CHD2: variants seen among roughly 807,000 people sequenced by gnomAD.
CHD2 encodes the protein ATP-dependent chromatin remodeler CHD2.
CHD2 carries 28 observed loss-of-function variants against 243.9 expected under a neutral mutation model. The observed-to-expected ratio is 0.11, with a 90% CI of 0.09 to 0.16. The LOEUF is 0.16. Among genes scored for constraint, CHD2 ranks in the 10% least tolerant of loss-of-function variants. The pLI, the probability that CHD2 is intolerant of heterozygous loss-of-function variation, is 1.00. For missense variants in CHD2, 1,386 were observed against 2,209.8 expected, an observed-to-expected ratio of 0.63 and a Z score of 7.47; for synonymous variants, 775 against 779.0, an observed-to-expected ratio of 0.99 and a Z score of 0.09.
At chr15:92,970,591 A>T (rs1379797787) in intron 17 of CHD2, among the ~76,000 whole-genome samples, 1 of 152,178 alleles carries the variant, frequency 6.6e-6, no homozygotes, top group Non-Finnish European at 1.5e-5. Context: ...TTAACTTTGA[A>T]TATCCTCCTT....
chr15:93,009,171 A>G lies in CHD2; in HGVS notation c.4440A>G (p.Lys1480=). ...SICKERMRPV[K]KALKQLDKPD... is the part of the protein sequence containing the mutation. ...GTAAGGAGAGGATGAGGCCCGTGAAAAAGGCACTGAAACAGCTCGACAAAC... is the reference window on the plus strand; with the variant it reads ...GTAAGGAGAGGATGAGGCCCGTGAAGAAGGCACTGAAACAGCTCGACAAAC... The change falls in exon 35 of 39, where the codon AAA becomes AAG. Residue 1480 remains lysine (K), a synonymous_variant. Coordinates refer to ENST00000394196, the MANE Select transcript of CHD2 (RefSeq NM_001271.4). 1 of 1,614,166 alleles carries G rather than the reference A, an allele frequency of 6.2e-7. No individual in the cohort carries two copies. Among genetic ancestry groups the G allele is most frequent in the Admixed American group, 1.7e-5 (1 of 60,020 alleles).
chr15:92,988,957 A>G (rs952161235), intron 26 of CHD2, among the ~76,000 whole-genome samples: 1 of 150,558 alleles, frequency 6.6e-6, no homozygotes, highest in Non-Finnish European at 1.5e-5. Context: ...ATAAGCCTAC[A>G]TGCTAGACTT....
In CHD2 at chr15:92,997,271, T is replaced by C; in HGVS notation, c.3753T>C (p.Arg1251=). ...TCTTTAGATACTGCTTAACCTGTCG[T>C]GTCAAAGCTGCACATTTTGATGTAG... The part of the protein sequence containing the change: ...EEKKKYCLTC[R]VKAAHFDVEW... Residue 1251 remains arginine, a synonymous_variant, in exon 30 of 39, where the codon CGT becomes CGC. Transcript: ENST00000394196. The surrounding 1 kb of genome is among the most constrained non-coding windows in gnomAD (Gnocchi z 4.1). 1 of 1,614,152 alleles carries C rather than the reference T, an allele frequency of 6.2e-7. No individual in the cohort carries two copies. The highest frequency in any genetic ancestry group is 1.1e-5 in the South Asian group (1 of 91,064).
At chr15:92,985,764 G>A (rs1397828382) in intron 26 of CHD2, 91 bp downstream of exon 26, 7 of 1,360,974 alleles carry the variant, frequency 5.1e-6, no homozygotes, top group Non-Finnish European at 7.0e-6. Flanking sequence ...TGACAGGGTA[G>A]GCAGAGGCTA....
chr15:93,016,672 C>T (rs180741971), intron 37 of CHD2, among the ~76,000 whole-genome samples: 1 of 149,920 alleles, frequency 6.7e-6, no homozygotes. Context: ...GTCCCAGCTA[C>T]TTGGGAGGCT....
In CHD2 at chr15:93,009,295, G is replaced by A; in HGVS notation, c.4564G>A (p.Asp1522Asn). 1 of 1,614,188 alleles carries A rather than the reference G, an allele frequency of 6.2e-7. No individual in the cohort carries two copies. Among genetic ancestry groups the A allele is most frequent in the Non-Finnish European group, 8.5e-7 (1 of 1,180,016 alleles). ...RIAECLKAYS[D>N]QEHIKLWRRN... ...AGCCGAGTGCCTTAAAGCCTACTCA[G>A]ATCAGGAGCACATCAAACTCTGGAG... is the stretch of plus-strand genomic sequence containing the variant. Residue 1522 changes from aspartate (D) to asparagine (N), a missense_variant, in exon 35 of 39, where the codon GAT (aspartate) becomes AAT (asparagine). By Grantham distance (23) the Asp-to-Asn change is conservative. Around this residue, in one of 19 missense-constraint regions of CHD2, gnomAD observed 42 missense variants for 47.6 expected, o/e 0.88. Transcript: ENST00000394196.
chr15:92,933,867 A>G (rs555610040), intron 5 of CHD2, among the ~76,000 whole-genome samples: 17 of 152,284 alleles, frequency 1.1e-4, no homozygotes, highest in Non-Finnish European at 2.1e-4. Flanking sequence ...TGGCCTCCCA[A>G]AGTGTTGGGA....
Position 93,014,727 on chromosome 15 carries a change from G to T in CHD2, c.4724G>T (p.Gly1575Val), listed in dbSNP as rs746506782. 5.0e-6 allele frequency: 8 copies of T among 1,613,974 alleles called. No homozygotes were observed. The highest frequency in any genetic ancestry group is 2.7e-5 in the African/African-American group (2 of 74,876). The change falls in exon 37 of 39, where the codon GGT (glycine) becomes GTT (valine). Residue 1575 changes from glycine to valine, a missense_variant. Gly to Val is a moderately radical substitution (Grantham distance 109, BLOSUM62 -3). Around this residue, in one of 19 missense-constraint regions of CHD2, gnomAD observed 347 missense variants for 341.6 expected, o/e 1.02. Transcript: ENST00000394196. ...AAGAAGAAAGACGACGTGACTGGGG[G>T]TAAGAAACCATTTCGTCCAGAGGCC... ...EQKKKDDVTG[G>V]KKPFRPEASG...
Position 92,900,522 on chromosome 15 carries a change from T to C in CHD2, c.-374T>C, listed in dbSNP as rs1032173488. 1 of 398,776 alleles carries C rather than the reference T, an allele frequency of 2.5e-6. No individual in the cohort carries two copies. Among genetic ancestry groups the C allele is most frequent in the African/African-American group, 2.1e-5 (1 of 48,730 alleles). The allele number at this position is 398,776 out of a possible 1,614,324, so 24.7% of individuals were successfully genotyped here. ...GGAGAAAAGCAGCTTTTAGGAGCTT[T>C]CTTTTCGTGCCTTGTTGGAAAGAAG... is the stretch of plus-strand genomic sequence containing the variant. On this transcript the variant is annotated 5_prime_UTR_variant, in exon 1 of 39. Transcript: ENST00000394196.
rs1490731036 is a variant in CHD2, at chr15:92,998,656, C to A, written c.4008+35C>A. The A allele has an allele frequency of 6.2e-7, 1 of 1,605,046 alleles. No individual in the cohort carries two copies. The highest frequency in any genetic ancestry group is 8.5e-7 in the Non-Finnish European group (1 of 1,174,700). On this transcript the variant is annotated intron_variant, in intron 31 of 38. Transcript: ENST00000394196. This position sits in a 1 kb window ranked among gnomAD's most constrained non-coding sequence, Gnocchi z 5.1. ...CTGCCAGCTGGTTGTTTTTCAGGGG[C>A]CTGAGGCTCCTACCCTGCAGAATTA...
At chr15:92,961,346 C>A (rs1433585680) in intron 16 of CHD2, among the ~76,000 whole-genome samples, 1 of 152,158 alleles carries the variant, frequency 6.6e-6, no homozygotes, top group African/African-American at 2.4e-5. Context: ...TCTGTTTCAT[C>A]TAACTTGTCC....
intron 11 of CHD2, 68 bp from the exon 12 acceptor site, chr15:92,945,970 A>T: frequency 1.3e-6 from 2 of 1,499,146 alleles, no homozygotes; most frequent in Non-Finnish European, 1.8e-6. Flanking sequence ...ATTATGCATA[A>T]AACAGAATGT....
intron 28 of CHD2, among the ~76,000 whole-genome samples, chr15:92,995,682 T>G (rs555127527): frequency 1.3e-5 from 2 of 152,308 alleles, no homozygotes; most frequent in African/African-American, 4.8e-5. Flanking sequence ...TTGTTTTCGG[T>G]CTTTTGTTAT....
At chr15:92,940,864 A>G (rs1304025740) in intron 7 of CHD2, among the ~76,000 whole-genome samples, 2 of 128,332 alleles carry the variant, frequency 1.6e-5, no homozygotes, top group South Asian at 5.3e-4. Flanking sequence ...ATATAAATAT[A>G]TAAAAATATA....
rs1293836956 is a variant in CHD2, at chr15:92,998,897, T to C, written c.4008+276T>C. ...AGGAGATTGAGACCATCCTGGCTAA[T>C]ATGGTGAAACCCCGTCTCTACTAAA... On this transcript the variant is annotated intron_variant, in intron 31 of 38. Coordinates refer to ENST00000394196, the MANE Select transcript of CHD2 (RefSeq NM_001271.4). The surrounding 1 kb of genome is among the most constrained non-coding windows in gnomAD (Gnocchi z 5.1). 1.3e-5 allele frequency among the ~76,000 whole-genome samples: 2 copies of C among 151,630 alleles called. No homozygotes were observed. The highest frequency in any genetic ancestry group is 4.8e-5 in the African/African-American group (2 of 41,292).
At chr15:92,912,144 T>A (rs965854404) in intron 2 of CHD2, among the ~76,000 whole-genome samples, 1 of 152,004 alleles carries the variant, frequency 6.6e-6, no homozygotes, top group Admixed American at 6.6e-5. Context: ...TTGCTTCAAG[T>A]TTGTTTTTTT....
At chr15:92,913,518 A>T (rs2052780007) in intron 2 of CHD2, among the ~76,000 whole-genome samples, 1 of 152,094 alleles carries the variant, frequency 6.6e-6, no homozygotes. Flanking sequence ...TGTGTATGAG[A>T]CAGCTCCCCA....
chr15:92,996,452 G>A lies in CHD2; in HGVS notation c.3596-505G>A, dbSNP rs559865576. On this transcript the variant is annotated intron_variant, in intron 28 of 38. Coordinates refer to ENST00000394196, the MANE Select transcript of CHD2 (RefSeq NM_001271.4). ...TAGGATTACAGGTGTGAGCCACCGC[G>A]CCCGCCTGGGTTAGTGTAATTTTCT... Among the ~76,000 whole-genome samples the A allele has an allele frequency of 7.2e-5, 11 of 152,184 alleles. No homozygotes were observed. In the South Asian group the frequency reaches 1.2e-3, roughly 17 times the overall value.
chr15:93,006,571 A>G (rs1352129836), intron 34 of CHD2, among the ~76,000 whole-genome samples: 1 of 152,238 alleles, frequency 6.6e-6, no homozygotes, highest in African/African-American at 2.4e-5. Context: ...TGTGCTTTAT[A>G]TATATTTTTT....
Sources: gnomAD v4.1 joint callset for allele counts (sites outside exome capture counted in the v4.1 genomes callset) on GRCh38, gnomAD v4.1.1 for gene constraint, gnomAD v4.1.1 regional missense constraint, Gnocchi (gnomAD v3.1) non-coding constraint, MANE v1.5 for transcripts, NCBI Gene and HGNC (gene_info 2026-07-23, HGNC 2026-07-21) for gene names.